The following GALNT13 variants were observed in gnomAD, a reference collection of about 807,000 sequenced individuals.
The protein encoded by GALNT13 is UDP-GalNAc:polypeptide N-acetylgalactosaminyltransferase 13.
A neutral mutation model predicts 64.2 loss-of-function variants in GALNT13; 28 were observed. The ratio of observed to expected loss-of-function variants is 0.44; its 90% CI spans 0.32 to 0.60. The LOEUF (loss-of-function observed/expected upper bound fraction) is 0.60, where lower values mean the gene tolerates loss of function less well. Among genes scored for constraint, GALNT13 ranks in the 20% least tolerant of loss-of-function variants. GALNT13 has a pLI of 0.05. For missense variants in GALNT13, 577 were observed against 669.8 expected (o/e 0.86, Z 1.53); for synonymous variants, 214 against 224.6 (o/e 0.95, Z 0.42).
intron 3 of GALNT13, among the ~76,000 whole-genome samples, chr2:154,090,512 C>G (rs529338904): frequency 1.3e-5 from 2 of 151,998 alleles, no homozygotes; most frequent in Non-Finnish European, 2.9e-5. Context: ...CCATTCCATT[C>G]TTTGGAAAAC....
At chr2:153,216,461 A>C in the GALNT13 span, among the ~76,000 whole-genome samples, 1 of 151,942 alleles carries the variant, frequency 6.6e-6, no homozygotes, top group African/African-American at 2.4e-5. Context: ...CTGCATCCTC[A>C]TCAGCATGTG....
intron 3 of GALNT13, among the ~76,000 whole-genome samples, chr2:154,047,013 A>C (rs566550015): frequency 1.9e-4 from 29 of 152,072 alleles, no homozygotes; most frequent in Middle Eastern, 3.4e-3. Context: ...ATTTTCCCTG[A>C]GTGAATTTTT....
the GALNT13 span, among the ~76,000 whole-genome samples, chr2:153,425,331 ATT>A: frequency 6.6e-6 from 1 of 151,756 alleles, no homozygotes; most frequent in Non-Finnish European, 1.5e-5. Context: ...ATTATTAAAA[ATT>A]AAAACAAGAA....
At chr2:153,385,490 A>G in the GALNT13 span, among the ~76,000 whole-genome samples, 1 of 152,048 alleles carries the variant, frequency 6.6e-6, no homozygotes, top group Non-Finnish European at 1.5e-5. Context: ...AGTCAAAACA[A>G]TTAAACTCAT....
At chr2:153,721,070 G>A in the GALNT13 span, among the ~76,000 whole-genome samples, 1 of 149,964 alleles carries the variant, frequency 6.7e-6, no homozygotes, top group African/African-American at 2.5e-5. Context: ...AGAAAGGTCG[G>A]GTTACCCACA....
the GALNT13 span, among the ~76,000 whole-genome samples, chr2:153,320,337 C>T: frequency 6.6e-6 from 1 of 152,182 alleles, no homozygotes; most frequent in Non-Finnish European, 1.5e-5. Context: ...TATTCAGCCA[C>T]TCATTTATTT....
chr2:153,580,269 A>G, the GALNT13 span, among the ~76,000 whole-genome samples: 1 of 152,154 alleles, frequency 6.6e-6, no homozygotes, highest in African/African-American at 2.4e-5. Flanking sequence ...TATTCTGTAG[A>G]AAATTTCATG....
At chr2:153,604,766 T>C in the GALNT13 span, among the ~76,000 whole-genome samples, 1 of 152,090 alleles carries the variant, frequency 6.6e-6, no homozygotes, top group Non-Finnish European at 1.5e-5. Context: ...GACATTATTT[T>C]ATTAAGAGAA....
the GALNT13 span, among the ~76,000 whole-genome samples, chr2:153,332,534 G>GTTTTTTTT: frequency 4.4e-5 from 6 of 136,256 alleles, no homozygotes; most frequent in East Asian, 4.3e-4. Flanking sequence ...TGAGAGTATT[G>GTTTTTTTT]TTTTTTTTTT....
At chr2:153,072,499 G>A in the GALNT13 span, among the ~76,000 whole-genome samples, 6 of 152,222 alleles carry the variant, frequency 3.9e-5, no homozygotes, top group Non-Finnish European at 7.3e-5. Flanking sequence ...GAAAAACTGA[G>A]TTATAGGGAA....
the GALNT13 span, among the ~76,000 whole-genome samples, chr2:153,283,690 T>A: frequency 1.3e-5 from 2 of 152,174 alleles, no homozygotes; most frequent in African/African-American, 4.8e-5. Context: ...CCTGGAGATC[T>A]GCTCGGGCAT....
chr2:153,669,225 A>G, the GALNT13 span, among the ~76,000 whole-genome samples: 1 of 152,058 alleles, frequency 6.6e-6, no homozygotes, highest in Non-Finnish European at 1.5e-5. Flanking sequence ...CCACTTTGTT[A>G]GCATGCACTC....
chr2:153,786,180 C>G, the GALNT13 span, among the ~76,000 whole-genome samples: 8 of 152,150 alleles, frequency 5.3e-5, no homozygotes, highest in African/African-American at 1.9e-4. Flanking sequence ...CAGAGGCAGC[C>G]CAGCATTTCT....
At chr2:153,219,948 G>C in the GALNT13 span, among the ~76,000 whole-genome samples, 3 of 152,170 alleles carry the variant, frequency 2.0e-5, no homozygotes, top group Admixed American at 6.5e-5. Flanking sequence ...CTTGAGCCTG[G>C]TCTCTGTTCT....
the GALNT13 span, among the ~76,000 whole-genome samples, chr2:153,138,182 C>G: frequency 6.6e-6 from 1 of 152,090 alleles, no homozygotes; most frequent in Non-Finnish European, 1.5e-5. Flanking sequence ...AGCTGGAATT[C>G]AAACTTTCAG....
At chr2:153,713,385 G>T in the GALNT13 span, among the ~76,000 whole-genome samples, 1 of 152,068 alleles carries the variant, frequency 6.6e-6, no homozygotes, top group East Asian at 1.9e-4. Context: ...CTGATTCCAG[G>T]GTTTCCTTCC....
chr2:154,110,603 T>C (rs1702933166), intron 3 of GALNT13, among the ~76,000 whole-genome samples: 1 of 151,784 alleles, frequency 6.6e-6, no homozygotes, highest in Non-Finnish European at 1.5e-5. Context: ...TCTTTTGACA[T>C]TTTTCTGCTG....
the GALNT13 span, among the ~76,000 whole-genome samples, chr2:153,223,796 T>TA: frequency 8.7e-5 from 13 of 149,878 alleles, no homozygotes; most frequent in Non-Finnish European, 1.3e-4. Flanking sequence ...CCGCCTCTAC[T>TA]AAAAAAAAAG....
At chr2:153,220,237 C>CAGGT in the GALNT13 span, among the ~76,000 whole-genome samples, 3 of 152,178 alleles carry the variant, frequency 2.0e-5, no homozygotes, top group Admixed American at 2.0e-4. Flanking sequence ...AGGTGACCAT[C>CAGGT]AGGTGATGGT....
Sources: allele counts gnomAD v4.1 joint callset (sites outside exome capture counted in the v4.1 genomes callset), GRCh38; gene constraint gnomAD v4.1.1; transcripts MANE v1.5; gene names NCBI Gene and HGNC (gene_info 2026-07-23, HGNC 2026-07-21).